Variants in CACNA1E observed in about 807,000 individuals in gnomAD.
The protein encoded by CACNA1E is calcium voltage-gated channel subunit alpha1 E, also known as voltage-dependent R-type calcium channel subunit alpha-1E.
CACNA1E carries 40 observed loss-of-function variants against 259.2 expected under a neutral mutation model. The ratio of observed to expected loss-of-function variants is 0.15; its 90% CI spans 0.12 to 0.20. CACNA1E has a LOEUF of 0.20. Among genes scored for constraint, CACNA1E ranks in the 10% least tolerant of loss-of-function variants. The pLI, the probability that CACNA1E is intolerant of heterozygous loss-of-function variation, is 1.00. For synonymous variants in CACNA1E, 1,104 were observed against 1,138.5 expected (o/e 0.97, Z 0.61); for missense variants, 1,874 against 3,040.1 (o/e 0.62, Z 9.02).
At position 181,739,234 on chromosome 1, in the gene CACNA1E, T is replaced by C. The variant is rs2102593251; in HGVS notation, c.3700T>C (p.Leu1234=). ...ILDFVVVVGA[L]VAFALANALG... ...GGACTTTGTGGTGGTCGTTGGCGCA[T>C]TGGTGGCCTTTGCTCTGGCGTAAGT... The change falls in exon 25 of 48, where the codon TTG becomes CTG. Residue 1234 remains leucine, a synonymous_variant. Coordinates refer to ENST00000367573, the MANE Select transcript of CACNA1E (RefSeq NM_001205293.3). The C allele has an allele frequency of 1.2e-6, 2 of 1,611,788 alleles. No homozygotes were observed. The highest frequency in any genetic ancestry group is 1.7e-6 in the Non-Finnish European group (2 of 1,177,874).
intron 2 of CACNA1E, among the ~76,000 whole-genome samples, chr1:181,440,983 C>CAAAAAAA (rs60257271): frequency 2.6e-5 from 1 of 38,170 alleles, no homozygotes; most frequent in Non-Finnish European, 4.9e-5. Flanking sequence ...GACCTTGTTT[C>CAAAAAAA]AAAAAAAAAA....
chr1:181,419,243 G>A (rs1027496249), intron 2 of CACNA1E, among the ~76,000 whole-genome samples: 2 of 152,158 alleles, frequency 1.3e-5, no homozygotes, highest in Admixed American at 1.3e-4. Context: ...TCCTAAAGAT[G>A]CATGAATGTC....
In CACNA1E at chr1:181,631,448, T is replaced by C. The variant is rs1656728518; in HGVS notation, c.952-19890T>C. Among the ~76,000 whole-genome samples the C allele has an allele frequency of 3.9e-5, 6 of 152,188 alleles. No homozygotes were observed. The South Asian group carries it at 1.2e-3, about 32-fold the overall frequency. On this transcript the variant is annotated intron_variant, in intron 6 of 47. Transcript: ENST00000367573. The stretch of plus-strand genomic sequence containing the variant: ...TCAGTCTCTCTGAATATATCTTAAG[T>C]TGCCTGATACCAGAGGTGTCCTCTC...
At chr1:181,426,455 C>T (rs1239660874) in intron 2 of CACNA1E, among the ~76,000 whole-genome samples, 3 of 150,694 alleles carry the variant, frequency 2.0e-5, no homozygotes, top group Non-Finnish European at 4.4e-5. Context: ...CCATCATGGC[C>T]CCATCACAAC....
chr1:181,785,587 G>C (rs150394463), intron 42 of CACNA1E, 126 bp from the exon 43 acceptor site: 7 of 889,116 alleles, frequency 7.9e-6, no homozygotes, highest in Non-Finnish European at 1.1e-5. Flanking sequence ...CCAGTGGATC[G>C]AAGGTTAAAA....
intron 1 of CACNA1E, among the ~76,000 whole-genome samples, chr1:181,380,059 C>A (rs1655357560): frequency 6.8e-6 from 1 of 147,554 alleles, no homozygotes; most frequent in African/African-American, 2.5e-5. Context: ...ATTATAAAGC[C>A]TAAATCAACC....
At chr1:181,481,746 G>C (rs1663263095), upstream of CACNA1E, among the ~76,000 whole-genome samples, 1 of 152,158 alleles carries the variant, frequency 6.6e-6, no homozygotes, top group African/African-American at 2.4e-5. Flanking sequence ...TCACCTGTGG[G>C]GAAGGGCTTG....
At chr1:181,771,162 G>A (rs1659472765) in intron 35 of CACNA1E, 131 bp from the exon 36 acceptor site, 1 of 609,834 alleles carries the variant, frequency 1.6e-6, no homozygotes, top group African/African-American at 1.8e-5. Context: ...GCAGCTCTCT[G>A]GGTCTGAGTT....
chr1:181,527,935 TCTTA>T (rs33912379), intron 3 of CACNA1E, among the ~76,000 whole-genome samples: 25,576 of 152,118 alleles, frequency 0.17, 2,297 homozygotes, highest in African/African-American at 0.22. Flanking sequence ...TCATTTTTCT[TCTTA>T]CTTCTTTCTG....
chr1:181,783,641 T>TC, intron 39 of CACNA1E, 38 bp from the exon 40 acceptor site: 1 of 1,201,708 alleles, frequency 8.3e-7, no homozygotes, highest in Non-Finnish European at 1.2e-6. Flanking sequence ...CAATTTTTTT[T>TC]TTTTTTGCCT....
chr1:181,516,731 T>G (rs1666613851), intron 3 of CACNA1E, among the ~76,000 whole-genome samples: 2 of 152,218 alleles, frequency 1.3e-5, no homozygotes, highest in Admixed American at 6.5e-5. Context: ...GAAGTCTTTG[T>G]TTTCCATTGT....
chr1:181,524,405 C>T (rs1033909106), intron 3 of CACNA1E, among the ~76,000 whole-genome samples: 15 of 152,176 alleles, frequency 9.9e-5, no homozygotes, highest in African/African-American at 3.4e-4. Flanking sequence ...GTTGGCTGGT[C>T]CAGGCTATAG....
Position 181,653,341 on chromosome 1 carries a change from T to C in CACNA1E, c.1055+1900T>C, listed in dbSNP as rs548178379. 9.2e-5 allele frequency among the ~76,000 whole-genome samples: 14 copies of C among 152,220 alleles called. No individual in the cohort carries two copies. In the South Asian group the frequency reaches 2.1e-3, roughly 23 times the overall value. ...GTGGGTCTTTCCTGTGCTGTTCTCA[T>C]GATTGTCACGAGACCTGATGATTTT... On this transcript the variant is annotated intron_variant, in intron 7 of 47. Transcript: ENST00000367573.
rs983593121 is a variant in CACNA1E, at chr1:181,798,278, C to T, written c.6400-14C>T. 6.4e-7 allele frequency: 1 copy of T among 1,567,580 alleles called. No individual in the cohort carries two copies. On this transcript the variant is annotated splice_polypyrimidine_tract_variant and intron_variant, in intron 47 of 47. Transcript: ENST00000367573. This position sits in a 1 kb window ranked among gnomAD's most constrained non-coding sequence, Gnocchi z 4.2. ...AAGCCCAATCTAACATGCCATGTCTCTCCTGCTATACAGGGCACAGGTTCC... is the reference window on the plus strand; with the variant it reads ...AAGCCCAATCTAACATGCCATGTCTTTCCTGCTATACAGGGCACAGGTTCC...
At chr1:181,785,224 C>T in intron 41 of CACNA1E, 94 bp from the exon 42 acceptor site, 1 of 753,726 alleles carries the variant, frequency 1.3e-6, no homozygotes, top group Non-Finnish European at 2.4e-6. Context: ...TAGCACAGAC[C>T]TGTTCCAGAG....
chr1:181,389,396 G>T (rs1442994531), intron 1 of CACNA1E, among the ~76,000 whole-genome samples: 1 of 152,014 alleles, frequency 6.6e-6, no homozygotes, highest in Non-Finnish European at 1.5e-5. Flanking sequence ...GAGTGTGTTG[G>T]GCGACTAATT....
In CACNA1E at chr1:181,409,099, T is replaced by C. The variant is rs79385599; in HGVS notation, c.-14-4034T>C. Among the ~76,000 whole-genome samples the C allele has an allele frequency of 1.3e-3, 202 of 152,346 alleles. 6 individuals carry two copies. The East Asian group carries it at 0.031, about 24-fold the overall frequency. On this transcript the variant is annotated intron_variant, in intron 1 of 11. Coordinates refer to the CACNA1E transcript ENST00000524607. ...ACAGGACTTTATAAATAAAGTTTTA[T>C]CAGAACACAGTCATTCCCATTCATT...
At chr1:181,567,500 C>T (rs1649962721) in intron 3 of CACNA1E, among the ~76,000 whole-genome samples, 1 of 152,148 alleles carries the variant, frequency 6.6e-6, no homozygotes, top group Non-Finnish European at 1.5e-5. Context: ...ACCAACCAAC[C>T]AATCAGAAAC....
chr1:181,644,321 A>G (rs917059914), intron 6 of CACNA1E, among the ~76,000 whole-genome samples: 13 of 152,168 alleles, frequency 8.5e-5, no homozygotes, highest in Non-Finnish European at 1.3e-4. Flanking sequence ...TTGGATCCTC[A>G]GGGAAGTCGC....
Sources: gnomAD v4.1 joint callset for allele counts (sites outside exome capture counted in the v4.1 genomes callset) on GRCh38, gnomAD v4.1.1 for gene constraint, Gnocchi (gnomAD v3.1) non-coding constraint, MANE v1.5 for transcripts, NCBI Gene and HGNC (gene_info 2026-07-23, HGNC 2026-07-21) for gene names.